Variants in AGBL1 observed in about 807,000 individuals in gnomAD.
AGBL1 encodes cytosolic carboxypeptidase 4.
AGBL1 carries 130 observed loss-of-function variants against 118.9 expected under a neutral mutation model. The ratio of observed to expected loss-of-function variants is 1.09; its 90% CI spans 0.95 to 1.26. AGBL1 has a LOEUF of 1.26. AGBL1 is among the 50% of genes most tolerant of loss of function. The probability of loss-of-function intolerance (pLI) is 0.00; values close to 1 mark genes in which losing one functional copy is unlikely to be tolerated. For synonymous variants in AGBL1, 555 were observed against 478.9 expected, an observed-to-expected ratio of 1.16 and a Z score of -2.08; for missense variants, 1,584 against 1,298.1, an observed-to-expected ratio of 1.22 and a Z score of -3.38.
intron 22 of AGBL1, among the ~76,000 whole-genome samples, chr15:86,685,088 T>C (rs1416505644): frequency 2.0e-5 from 3 of 152,032 alleles, no homozygotes; most frequent in Non-Finnish European, 4.4e-5. Context: ...GTGTGGAAAA[T>C]ATCAAACCAA....
chr15:86,719,093 C>T (rs1567138539), intron 22 of AGBL1, among the ~76,000 whole-genome samples: 1 of 152,004 alleles, frequency 6.6e-6, no homozygotes, highest in Non-Finnish European at 1.5e-5. Flanking sequence ...GGAAACATAC[C>T]ATCAAAATTT....
Position 86,914,542 on chromosome 15 carries a change from T to C in AGBL1, c.*7248T>C, listed in dbSNP as rs1460954698. The C allele has an allele frequency of 6.6e-6, 1 of 152,180 alleles. No individual in the cohort carries two copies. Among genetic ancestry groups the C allele is most frequent in the Non-Finnish European group, 1.5e-5 (1 of 68,040 alleles). 9.4% of individuals were successfully genotyped at this position (152,180 alleles called of 1,614,324 possible). On this transcript the variant is annotated 3_prime_UTR_variant, in exon 23 of 23. Coordinates refer to ENST00000614907, the MANE Select transcript of AGBL1 (RefSeq NM_001386094.1). ...ATATGAACCATAACACAGTTACAGCTAACGTGGTAATTAGCAACACTTAGT... is the reference window on the plus strand; with the variant it reads ...ATATGAACCATAACACAGTTACAGCCAACGTGGTAATTAGCAACACTTAGT...
intron 21 of AGBL1, among the ~76,000 whole-genome samples, chr15:86,563,636 G>A (rs1033959417): frequency 2.6e-5 from 4 of 152,172 alleles, no homozygotes; most frequent in Non-Finnish European, 4.4e-5. Flanking sequence ...TTATGTGGAT[G>A]TCTGTTAGGT....
At chr15:86,927,573 C>T (rs1272271597) in intron 23 of AGBL1, among the ~76,000 whole-genome samples, 2 of 152,100 alleles carry the variant, frequency 1.3e-5, no homozygotes, top group Non-Finnish European at 2.9e-5. Flanking sequence ...GGTGACAGAG[C>T]AAGACCCCAT....
intron 1 of AGBL1, among the ~76,000 whole-genome samples, chr15:86,129,220 A>G (rs1210313817): frequency 6.6e-6 from 1 of 152,184 alleles, no homozygotes; most frequent in Non-Finnish European, 1.5e-5. Context: ...CAGATGCTGG[A>G]TATATCTATA....
At chr15:86,354,751 A>G (rs1280893895) in intron 17 of AGBL1, among the ~76,000 whole-genome samples, 1 of 152,196 alleles carries the variant, frequency 6.6e-6, no homozygotes, top group African/African-American at 2.4e-5. Flanking sequence ...TAGCAAAGGA[A>G]TTTTGTAGGT....
chr15:86,279,385 C>T (rs7162878), intron 15 of AGBL1, among the ~76,000 whole-genome samples: 4,003 of 152,256 alleles, frequency 0.026, 60 homozygotes, highest in Middle Eastern at 0.058. Context: ...AAGGAAAGGT[C>T]GGTAGCATAT....
At chr15:86,692,703 C>T (rs373756289) in intron 22 of AGBL1, among the ~76,000 whole-genome samples, 1 of 152,048 alleles carries the variant, frequency 6.6e-6, no homozygotes, top group East Asian at 1.9e-4. Context: ...TTGGTGCACC[C>T]ATCACCTGAG....
At chr15:86,434,512 C>T (rs1328541655) in intron 18 of AGBL1, among the ~76,000 whole-genome samples, 1 of 152,220 alleles carries the variant, frequency 6.6e-6, no homozygotes, top group Non-Finnish European at 1.5e-5. Context: ...GCACCCATTA[C>T]TTATTAGCCT....
At chr15:86,298,640 C>T (rs893187035) in intron 17 of AGBL1, among the ~76,000 whole-genome samples, 3 of 152,106 alleles carry the variant, frequency 2.0e-5, no homozygotes, top group African/African-American at 7.2e-5. Flanking sequence ...TTACCTGCTT[C>T]CTGCCTCTCA....
chr15:86,409,424 G>A (rs893967990), intron 18 of AGBL1, among the ~76,000 whole-genome samples: 1 of 152,060 alleles, frequency 6.6e-6, no homozygotes, highest in Non-Finnish European at 1.5e-5. Context: ...CTGGATTCTG[G>A]GAGTGTGTTC....
chr15:86,247,549 C>T, intron 6 of AGBL1, 122 bp from the exon 7 acceptor site: 1 of 1,115,012 alleles, frequency 9.0e-7, no homozygotes, highest in East Asian at 2.6e-5. Context: ...AGTTTTCATA[C>T]TAAAATGTTA....
chr15:86,272,921 G>A (rs1357424237), intron 15 of AGBL1, among the ~76,000 whole-genome samples: 2 of 152,016 alleles, frequency 1.3e-5, no homozygotes, highest in African/African-American at 2.4e-5. Flanking sequence ...CCTTTCCTAC[G>A]GTTCAGAGAG....
chr15:86,505,616 T>C (rs2082966988), intron 18 of AGBL1, among the ~76,000 whole-genome samples: 1 of 152,058 alleles, frequency 6.6e-6, no homozygotes, highest in Non-Finnish European at 1.5e-5. Context: ...GATTATTTTG[T>C]AAAATTTTTG....
chr15:86,614,691 C>T (rs940060102), intron 21 of AGBL1, among the ~76,000 whole-genome samples: 6 of 152,182 alleles, frequency 3.9e-5, no homozygotes, highest in Non-Finnish European at 7.3e-5. Context: ...GAGCAGCTTC[C>T]ATCACACAGT....
At chr15:86,478,904 A>G (rs1169029795) in intron 18 of AGBL1, among the ~76,000 whole-genome samples, 1 of 152,212 alleles carries the variant, frequency 6.6e-6, no homozygotes, top group Admixed American at 6.5e-5. Context: ...AATGGAACAC[A>G]ACAGAGCACT....
At chr15:86,241,320 A>G (rs900272192) in intron 6 of AGBL1, among the ~76,000 whole-genome samples, 1 of 152,130 alleles carries the variant, frequency 6.6e-6, no homozygotes, top group Admixed American at 6.5e-5. Flanking sequence ...TATTGAGCAC[A>G]TACTTTATGT....
At chr15:86,614,292 C>T (rs1247942876) in intron 21 of AGBL1, among the ~76,000 whole-genome samples, 1 of 152,198 alleles carries the variant, frequency 6.6e-6, no homozygotes, top group East Asian at 1.9e-4. Flanking sequence ...TCCTTATTGT[C>T]ACTTTCTTCC....
chr15:86,865,051 C>T (rs540478311), intron 22 of AGBL1, among the ~76,000 whole-genome samples: 10 of 152,216 alleles, frequency 6.6e-5, no homozygotes, highest in African/African-American at 1.9e-4. Context: ...TTGACTTGTT[C>T]GCTGTAGAAT....
Sources: allele counts gnomAD v4.1 joint callset (sites outside exome capture counted in the v4.1 genomes callset), GRCh38; gene constraint gnomAD v4.1.1; transcripts MANE v1.5; gene names NCBI Gene and HGNC (gene_info 2026-07-23, HGNC 2026-07-21).